The following PTPRK variants were observed in gnomAD, a reference collection of about 807,000 sequenced individuals.
PTPRK encodes the protein protein tyrosine phosphatase receptor type K, also known as receptor-type tyrosine-protein phosphatase kappa.
PTPRK carries 75 observed loss-of-function variants against 178.0 expected under a neutral mutation model. The ratio of observed to expected loss-of-function variants is 0.42; its 90% CI spans 0.35 to 0.51. The LOEUF (loss-of-function observed/expected upper bound fraction) is 0.51. PTPRK is among the 20% of genes least tolerant of loss of function. The pLI is 0.02. For missense variants in PTPRK, 1,441 were observed against 1,797.8 expected (o/e 0.80, Z 3.59); for synonymous variants, 637 against 620.6 (o/e 1.03, Z -0.39).
In PTPRK at chr6:128,082,915, G is replaced by A. The variant is rs948218972; in HGVS notation, c.1576-277C>T. On this transcript the variant is annotated intron_variant, in intron 9 of 29. Coordinates refer to ENST00000368226, the MANE Select transcript of PTPRK (RefSeq NM_002844.4). ...TCAAAAAAACCACAATAAATTATGC[G>A]TACATAAAAAATCTTATAGCCATAT... is the stretch of plus-strand genomic sequence containing the variant. Among the ~76,000 whole-genome samples the A allele has an allele frequency of 1.4e-4, 21 of 151,576 alleles. 1 individual carries two copies. Among genetic ancestry groups the A allele is most frequent in the South Asian group, 6.2e-4 (3 of 4,814 alleles).
chr6:128,072,578 T>C (rs560603436), intron 11 of PTPRK, among the ~76,000 whole-genome samples: 58 of 152,164 alleles, frequency 3.8e-4, no homozygotes, highest in African/African-American at 1.4e-3. Flanking sequence ...CTCTGTACTT[T>C]TTACGCTGGG....
intron 3 of PTPRK, among the ~76,000 whole-genome samples, chr6:128,263,395 T>C (rs146725924): frequency 2.0e-5 from 3 of 152,106 alleles, no homozygotes; most frequent in Non-Finnish European, 2.9e-5. Flanking sequence ...TGACAGATCA[T>C]GGTTTGTGGC....
intron 13 of PTPRK, among the ~76,000 whole-genome samples, chr6:128,028,684 C>T (rs1489699917): frequency 6.6e-6 from 1 of 152,192 alleles, no homozygotes; most frequent in Non-Finnish European, 1.5e-5. Context: ...TTCACAACTT[C>T]TTGAGAGCAT....
intron 2 of PTPRK, among the ~76,000 whole-genome samples, chr6:128,358,054 C>A (rs1242828411): frequency 6.6e-6 from 1 of 152,180 alleles, no homozygotes; most frequent in African/African-American, 2.4e-5. Context: ...GATCTGTGAG[C>A]TTATCCCAAA....
intron 21 of PTPRK, among the ~76,000 whole-genome samples, chr6:127,989,853 T>C (rs923423153): frequency 6.6e-6 from 1 of 152,012 alleles, no homozygotes; most frequent in African/African-American, 2.4e-5. Flanking sequence ...ACATTATAAA[T>C]TAAGGACATT....
chr6:128,419,443 T>C (rs1843209472), intron 1 of PTPRK, among the ~76,000 whole-genome samples: 1 of 96,206 alleles, frequency 1.0e-5, no homozygotes, highest in South Asian at 4.4e-4. Flanking sequence ...AAACCCCGTC[T>C]CTACTAAAAA....
intron 2 of PTPRK, among the ~76,000 whole-genome samples, chr6:128,379,270 G>A (rs1052814872): frequency 2.0e-5 from 3 of 152,064 alleles, no homozygotes; most frequent in Non-Finnish European, 1.5e-5. Context: ...ACCATGAATC[G>A]AATAAATGCT....
At chr6:128,132,708 A>G (rs1044060247) in intron 7 of PTPRK, among the ~76,000 whole-genome samples, 2 of 152,226 alleles carry the variant, frequency 1.3e-5, no homozygotes, top group East Asian at 1.9e-4. Context: ...TACTCATAAT[A>G]TCCTCCACAA....
intron 14 of PTPRK, among the ~76,000 whole-genome samples, chr6:128,006,644 CACAA>C (rs1411807624): frequency 1.3e-5 from 2 of 150,878 alleles, no homozygotes; most frequent in Non-Finnish European, 3.0e-5. Context: ...TGATATCATA[CACAA>C]ACATTTACTG....
chr6:128,279,090 T>C lies in PTPRK; in HGVS notation c.496-36488A>G, dbSNP rs143794279. 2.4e-3 allele frequency among the ~76,000 whole-genome samples: 366 copies of C among 152,132 alleles called. 2 individuals carry two copies. The highest frequency in any genetic ancestry group is 3.4e-3 in the Middle Eastern group (1 of 294). ...TACTCAGTCATTAATCACTCTGAGA[T>C]ACAGCCTAAGCACTTATGTAGAGGC... is the stretch of plus-strand genomic sequence containing the variant. On this transcript the variant is annotated intron_variant, in intron 3 of 29. Transcript: ENST00000368226.
chr6:127,977,037 A>C lies in PTPRK; in HGVS notation c.3729T>G (p.Ala1243=). 6.2e-7 allele frequency: 1 copy of C among 1,614,120 alleles called. No individual in the cohort carries two copies. The highest frequency in any genetic ancestry group is 1.1e-5 in the South Asian group (1 of 91,082). Reference sequence around the variant, plus strand: ...GAGGGTATTGTGTGACGATGAAAGCAGCTGGTTGCCTGTAGCTCTGTGAAG... The same window carrying C: ...GAGGGTATTGTGTGACGATGAAAGCCGCTGGTTGCCTGTAGCTCTGTGAAG... ...AALMDSYRQP[A]AFIVTQYPLP... The change falls in exon 26 of 30, where the codon GCT becomes GCG. Residue 1243 remains alanine, a synonymous_variant. Coordinates refer to ENST00000368226, the MANE Select transcript of PTPRK (RefSeq NM_002844.4).
intron 1 of PTPRK, among the ~76,000 whole-genome samples, chr6:128,437,215 A>C (rs1387443128): frequency 6.6e-6 from 1 of 152,194 alleles, no homozygotes; most frequent in Non-Finnish European, 1.5e-5. Flanking sequence ...TAAGAACAAA[A>C]ACCATTCTTA....
intron 13 of PTPRK, chr6:128,062,431 G>A (rs892482324): frequency 6.0e-6 from 1 of 166,832 alleles, no homozygotes; most frequent in African/African-American, 2.4e-5. Context: ...AATGCTAAAG[G>A]TTCAGAGAAG....
intron 13 of PTPRK, among the ~76,000 whole-genome samples, chr6:128,061,683 T>C (rs1370857612): frequency 1.3e-5 from 2 of 152,086 alleles, no homozygotes; most frequent in Admixed American, 1.3e-4. Flanking sequence ...GGCAGGGTTG[T>C]CCTTCTCACT....
chr6:128,342,228 G>T (rs1464738011), intron 2 of PTPRK, among the ~76,000 whole-genome samples: 1 of 152,064 alleles, frequency 6.6e-6, no homozygotes, highest in South Asian at 2.1e-4. Context: ...ACTCAAGCCT[G>T]GGTGACAGAG....
chr6:128,002,456 T>A (rs1300359524), intron 15 of PTPRK, among the ~76,000 whole-genome samples: 2 of 151,870 alleles, frequency 1.3e-5, no homozygotes, highest in African/African-American at 4.8e-5. Context: ...CATTGGTGTA[T>A]AATTAGTCAA....
At chr6:128,377,864 T>C (rs1016101528) in intron 2 of PTPRK, among the ~76,000 whole-genome samples, 3 of 152,204 alleles carry the variant, frequency 2.0e-5, no homozygotes, top group Admixed American at 6.5e-5. Flanking sequence ...CTACAGACTT[T>C]AATCAACTTC....
At chr6:128,354,231 GTTTTTTTTTTTTTT>G (rs756148554) in intron 2 of PTPRK, among the ~76,000 whole-genome samples, 1 of 49,358 alleles carries the variant, frequency 2.0e-5, no homozygotes, top group Non-Finnish European at 3.2e-5. Context: ...TTTTGTTTAT[GTTTTTTTTTTTTTT>G]TTTTTTTTTT....
intron 2 of PTPRK, among the ~76,000 whole-genome samples, chr6:128,326,902 T>C (rs980720724): frequency 2.0e-5 from 3 of 152,064 alleles, no homozygotes; most frequent in African/African-American, 7.2e-5. Flanking sequence ...TAATGATAAA[T>C]AGTAAATAAA....
Sources: allele counts gnomAD v4.1 joint callset (sites outside exome capture counted in the v4.1 genomes callset), GRCh38; gene constraint gnomAD v4.1.1; transcripts MANE v1.5; gene names NCBI Gene and HGNC (gene_info 2026-07-23, HGNC 2026-07-21).